Variants in TDRD3 observed in about 807,000 individuals in gnomAD.
The protein encoded by TDRD3 is tudor domain containing 3.
TDRD3 carries 45 observed loss-of-function variants against 86.7 expected under a neutral mutation model. The ratio of observed to expected loss-of-function variants is 0.52; its 90% confidence interval spans 0.41 to 0.67. The LOEUF (loss-of-function observed/expected upper bound fraction) is 0.67. Among genes scored for constraint, TDRD3 ranks in the 30% least tolerant of loss-of-function variants. The pLI is 0.00. For missense variants in TDRD3, 814 were observed against 889.0 expected, an observed-to-expected ratio of 0.92 and a Z score of 1.07; for synonymous variants, 298 against 301.7, an observed-to-expected ratio of 0.99 and a Z score of 0.13.
chr13:60,461,524 GTCT>G (rs1189272795), intron 4 of TDRD3, among the ~76,000 whole-genome samples: 1 of 151,900 alleles, frequency 6.6e-6, no homozygotes, highest in Non-Finnish European at 1.5e-5. Context: ...GCCTTTTTTG[GTCT>G]TCTTTGTCAT....
At chr13:60,542,750 T>A (rs1291648994) in intron 12 of TDRD3, among the ~76,000 whole-genome samples, 1 of 152,204 alleles carries the variant, frequency 6.6e-6, no homozygotes, top group Non-Finnish European at 1.5e-5. Flanking sequence ...ACTTTTATCG[T>A]CTTATGAGTC....
intron 3 of TDRD3, among the ~76,000 whole-genome samples, chr13:60,457,154 A>G (rs1955696128): frequency 6.6e-6 from 1 of 152,210 alleles, no homozygotes; most frequent in Non-Finnish European, 1.5e-5. Context: ...AAATCGTTAT[A>G]TTTACTGGTT....
chr13:60,418,535 T>C (rs973394672), intron 1 of TDRD3, among the ~76,000 whole-genome samples: 11 of 152,144 alleles, frequency 7.2e-5, no homozygotes, highest in Non-Finnish European at 1.2e-4. Flanking sequence ...ACAGAGTAGA[T>C]AGAGACTCAA....
chr13:60,459,234 A>G (rs1955748690), intron 3 of TDRD3, among the ~76,000 whole-genome samples: 1 of 152,228 alleles, frequency 6.6e-6, no homozygotes, highest in Non-Finnish European at 1.5e-5. Context: ...CTGAAAATAT[A>G]AATTAATATG....
chr13:60,435,096 A>C (rs916837626), intron 1 of TDRD3, among the ~76,000 whole-genome samples: 2 of 152,240 alleles, frequency 1.3e-5, no homozygotes, highest in African/African-American at 4.8e-5. Flanking sequence ...AATTATTGTT[A>C]ATTTAGGCTC....
intron 1 of TDRD3, among the ~76,000 whole-genome samples, chr13:60,419,209 A>G (rs9528133): frequency 0.2 from 29,699 of 152,084 alleles, 3,600 homozygotes; most frequent in South Asian, 0.29. Flanking sequence ...TTCCTCACCA[A>G]TATTCTATTT....
intron 5 of TDRD3, among the ~76,000 whole-genome samples, chr13:60,478,957 C>A (rs1006106063): frequency 1.3e-5 from 2 of 151,888 alleles, no homozygotes; most frequent in Non-Finnish European, 2.9e-5. Flanking sequence ...GCACACACCA[C>A]CATGCCTAGC....
intron 7 of TDRD3, among the ~76,000 whole-genome samples, chr13:60,489,055 T>G (rs181913075): frequency 6.5e-4 from 99 of 152,276 alleles, no homozygotes; most frequent in Middle Eastern, 3.4e-3. Flanking sequence ...GCTTTTTAGT[T>G]TGATATAATC....
intron 2 of TDRD3, among the ~76,000 whole-genome samples, chr13:60,441,461 C>T (rs895060174): frequency 6.6e-6 from 1 of 151,974 alleles, no homozygotes; most frequent in Non-Finnish European, 1.5e-5. Context: ...TTAAATACTG[C>T]AGTCCAAAGC....
At chr13:60,399,889 C>A (rs1954045538) in intron 1 of TDRD3, among the ~76,000 whole-genome samples, 1 of 152,128 alleles carries the variant, frequency 6.6e-6, no homozygotes, top group Non-Finnish European at 1.5e-5. Context: ...CTATGTAGAC[C>A]AATCTGTTCA....
intron 12 of TDRD3, among the ~76,000 whole-genome samples, chr13:60,544,288 T>C (rs1016988415): frequency 1.3e-5 from 2 of 151,008 alleles, no homozygotes; most frequent in African/African-American, 4.9e-5. Flanking sequence ...TAAAATAAAA[T>C]AAAAAATTAG....
At chr13:60,398,098 T>G (rs1472043804) in intron 1 of TDRD3, among the ~76,000 whole-genome samples, 1 of 152,198 alleles carries the variant, frequency 6.6e-6, no homozygotes, top group Non-Finnish European at 1.5e-5. Context: ...TTTCAGGATT[T>G]GAAAACAATA....
chr13:60,408,257 T>C (rs1954281114), intron 1 of TDRD3, among the ~76,000 whole-genome samples: 1 of 152,182 alleles, frequency 6.6e-6, no homozygotes, highest in Non-Finnish European at 1.5e-5. Flanking sequence ...ATTAAACCTC[T>C]TTTTCTTCCC....
Position 60,454,916 on chromosome 13 carries a change from GTTGATTGATTGA to G in TDRD3, c.193-5459_193-5448del, listed in dbSNP as rs1442223212. 6.6e-5 allele frequency among the ~76,000 whole-genome samples: 10 copies of G among 151,804 alleles called. No individual in the cohort carries two copies. In the South Asian group the frequency reaches 2.1e-3, roughly 32 times the overall value. On this transcript the variant is annotated intron_variant, in intron 3 of 13. Transcript: ENST00000377881. The stretch of plus-strand genomic sequence containing the variant: ...CTATCCCACCTCTATTGATTGATTG[GTTGATTGATTGA>G]TTGAGACAGAGTCTTGCTCTTGTTG...
At chr13:60,497,234 A>G (rs1344215091) in intron 8 of TDRD3, among the ~76,000 whole-genome samples, 2 of 152,114 alleles carry the variant, frequency 1.3e-5, no homozygotes, top group Non-Finnish European at 2.9e-5. Flanking sequence ...GGACCAGAAG[A>G]GTGTGCAGTT....
chr13:60,425,336 G>A (rs1303223826), intron 1 of TDRD3, among the ~76,000 whole-genome samples: 2 of 152,064 alleles, frequency 1.3e-5, no homozygotes, highest in Admixed American at 6.6e-5. Context: ...TATAAGGATG[G>A]CTATTATCAA....
intron 2 of TDRD3, among the ~76,000 whole-genome samples, chr13:60,442,793 T>G (rs770830892): frequency 4.6e-5 from 7 of 152,050 alleles, no homozygotes; most frequent in African/African-American, 1.4e-4. Flanking sequence ...GAGGAGTAAA[T>G]TAACTGGGTT....
chr13:60,400,598 G>C (rs916198301), intron 1 of TDRD3, among the ~76,000 whole-genome samples: 1 of 152,058 alleles, frequency 6.6e-6, no homozygotes, highest in Non-Finnish European at 1.5e-5. Flanking sequence ...TTAGCCAGGC[G>C]TGGTGGCAGG....
At chr13:60,503,344 A>C (rs1280525036) in intron 8 of TDRD3, among the ~76,000 whole-genome samples, 1 of 152,210 alleles carries the variant, frequency 6.6e-6, no homozygotes, top group African/African-American at 2.4e-5. Flanking sequence ...ATTGTCTGCA[A>C]ATGACATTTC....
Sources: gnomAD v4.1 joint callset for allele counts (sites outside exome capture counted in the v4.1 genomes callset) on GRCh38, gnomAD v4.1.1 for gene constraint, MANE v1.5 for transcripts, NCBI Gene and HGNC (gene_info 2026-07-23, HGNC 2026-07-21) for gene names.